The following CASK variants were observed in gnomAD, a reference collection of about 807,000 sequenced individuals.
The protein encoded by CASK is peripheral plasma membrane protein CASK.
Under a neutral mutation model 82.9 loss-of-function variants are expected in CASK, and 4 were observed. That is an observed-to-expected ratio of 0.05 (90% CI 0.02 to 0.11). CASK has a LOEUF of 0.11. CASK is among the 10% of genes least tolerant of loss of function. The probability of loss-of-function intolerance (pLI) is 1.00; values close to 1 mark genes in which losing one functional copy is unlikely to be tolerated. For missense variants in CASK, 358 were observed against 720.9 expected, an observed-to-expected ratio of 0.50 and a Z score of 5.76; for synonymous variants, 259 against 253.5, an observed-to-expected ratio of 1.02 and a Z score of -0.20.
intron 12 of CASK, among the ~76,000 whole-genome samples, chrX:41,607,313 A>G (rs2065976828): frequency 8.9e-6 from 1 of 112,202 alleles, no homozygotes; most frequent in Non-Finnish European, 1.9e-5. Flanking sequence ...TCAGTAAGAA[A>G]AAATACAACT....
At chrX:41,724,294 G>C (rs1014248162) in intron 5 of CASK, 1 of 112,538 alleles carries the variant, frequency 8.9e-6, no homozygotes, top group Non-Finnish European at 1.9e-5. Flanking sequence ...ATACAGGTAA[G>C]AGTGATTATT....
intron 8 of CASK, among the ~76,000 whole-genome samples, chrX:41,649,467 T>C (rs1345702121): frequency 8.9e-6 from 1 of 112,129 alleles, no homozygotes; most frequent in Non-Finnish European, 1.9e-5. Context: ...TTTGTTCTCA[T>C]TGGCTTCAAA....
intron 13 of CASK, among the ~76,000 whole-genome samples, chrX:41,589,152 A>G (rs1163021630): frequency 8.9e-6 from 1 of 112,452 alleles, no homozygotes; most frequent in Non-Finnish European, 1.9e-5. Flanking sequence ...TGCTACAGAA[A>G]TTTAATTAAC....
chrX:41,861,427 G>C (rs1462777397), intron 1 of CASK, among the ~76,000 whole-genome samples: 1 of 110,618 alleles, frequency 9.0e-6, no homozygotes, highest in Non-Finnish European at 1.9e-5. Context: ...GATTAGACAT[G>C]CATGGAAAGA....
At chrX:41,583,602 A>ATT (rs1359575841) in intron 14 of CASK, among the ~76,000 whole-genome samples, 13 of 90,546 alleles carry the variant, frequency 1.4e-4, no homozygotes, top group Non-Finnish European at 2.5e-4. Context: ...ACGCCAGGCT[A>ATT]TTTTTTTTTT....
chrX:41,641,662 T>G (rs761133655), intron 8 of CASK, among the ~76,000 whole-genome samples: 1 of 111,621 alleles, frequency 9.0e-6, no homozygotes, highest in Non-Finnish European at 1.9e-5. Context: ...TGAATAGAAC[T>G]TTTTTTTGGT....
intron 2 of CASK, among the ~76,000 whole-genome samples, chrX:41,788,111 C>A (rs188490358): frequency 3.0e-5 from 3 of 101,406 alleles, no homozygotes; most frequent in Non-Finnish European, 4.0e-5. Context: ...GAGCCGGGAT[C>A]GCGTCATTGC....
chrX:41,579,162 G>A (rs1407481719), intron 14 of CASK, among the ~76,000 whole-genome samples: 1 of 111,609 alleles, frequency 9.0e-6, no homozygotes, highest in Non-Finnish European at 1.9e-5. Context: ...TTTCATCAAT[G>A]GCATTTACAA....
At chrX:41,748,067 C>T (rs963349962) in intron 3 of CASK, among the ~76,000 whole-genome samples, 1 of 111,809 alleles carries the variant, frequency 8.9e-6, no homozygotes, top group Non-Finnish European at 1.9e-5. Flanking sequence ...TTTGCTTAGG[C>T]GTTTTCCTTT....
intron 12 of CASK, among the ~76,000 whole-genome samples, chrX:41,607,679 G>A (rs764316187): frequency 1.8e-5 from 2 of 112,065 alleles, no homozygotes; most frequent in African/African-American, 3.2e-5. Flanking sequence ...AGGTGAGCAC[G>A]TGACTAGCAG....
intron 5 of CASK, among the ~76,000 whole-genome samples, chrX:41,725,907 A>G (rs1304781321): frequency 9.0e-6 from 1 of 111,588 alleles, no homozygotes; most frequent in Non-Finnish European, 1.9e-5. Context: ...CCTGGAGTGC[A>G]GTAGAATGAT....
intron 2 of CASK, among the ~76,000 whole-genome samples, chrX:41,827,586 T>C (rs1403608544): frequency 1.8e-5 from 2 of 111,830 alleles, no homozygotes; most frequent in African/African-American, 3.3e-5. Context: ...ATTCAACATA[T>C]AAATTTGGGG....
intron 12 of CASK, among the ~76,000 whole-genome samples, chrX:41,596,826 C>G (rs12014101): frequency 0.025 from 2,803 of 111,615 alleles, 96 homozygotes; most frequent in African/African-American, 0.086. Flanking sequence ...ACCACACATA[C>G]CTACACCGAC....
intron 11 of CASK, among the ~76,000 whole-genome samples, chrX:41,613,059 C>A (rs1417904321): frequency 9.2e-6 from 1 of 108,927 alleles, no homozygotes; most frequent in Non-Finnish European, 1.9e-5. Flanking sequence ...AGGTGAGGGG[C>A]GCCTCTGCCC....
chrX:41,687,965 C>CAAAAAA (rs76783862), intron 5 of CASK, among the ~76,000 whole-genome samples: 1 of 24,578 alleles, frequency 4.1e-5, no homozygotes, highest in Non-Finnish European at 7.8e-5. Context: ...AACTCCGTCT[C>CAAAAAA]AAAAAAAAAA....
At chrX:41,918,025 T>C (rs1422574432) in intron 1 of CASK, among the ~76,000 whole-genome samples, 1 of 112,340 alleles carries the variant, frequency 8.9e-6, no homozygotes, top group African/African-American at 3.2e-5. Context: ...ACTGTGATCA[T>C]GCACTGCTTT....
At chrX:41,615,307 C>A (rs187525613) in intron 11 of CASK, among the ~76,000 whole-genome samples, 16 of 111,192 alleles carry the variant, frequency 1.4e-4, no homozygotes, top group Admixed American at 2.9e-4. Context: ...GAGTGCCCCC[C>A]CCTCCATCAA....
intron 25 of CASK, 88 bp downstream of exon 25, chrX:41,530,919 T>C: frequency 1.2e-6 from 1 of 837,865 alleles, no homozygotes; most frequent in Middle Eastern, 3.9e-4. Flanking sequence ...ATGTGACCTG[T>C]GACTTTCTGA....
intron 11 of CASK, among the ~76,000 whole-genome samples, chrX:41,611,697 C>A (rs1412856410): frequency 1.2e-5 from 1 of 84,505 alleles, no homozygotes; most frequent in Non-Finnish European, 2.3e-5. Flanking sequence ...CCCTCTCCCT[C>A]TCCCCACGGT....
Sources: allele counts gnomAD v4.1 joint callset (sites outside exome capture counted in the v4.1 genomes callset), GRCh38; gene constraint gnomAD v4.1.1; transcripts MANE v1.5; gene names NCBI Gene and HGNC (gene_info 2026-07-23, HGNC 2026-07-21).